The following NIPBL variants were observed in gnomAD, a reference collection of about 807,000 sequenced individuals.
NIPBL encodes nipped-B-like protein.
Under a neutral mutation model 321.8 loss-of-function variants are expected in NIPBL, and 19 were observed. The ratio of observed to expected loss-of-function variants is 0.06; its 90% CI spans 0.04 to 0.09. The LOEUF is 0.09. Ranked by LOEUF, NIPBL falls within the 10% of genes least tolerant of loss-of-function variation. The pLI is 1.00. For missense variants in NIPBL, 2,210 were observed against 3,327.0 expected (o/e 0.66, Z 8.26); for synonymous variants, 1,106 against 1,114.1 (o/e 0.99, Z 0.14).
chr5:37,021,546 T>C (rs976699121), intron 27 of NIPBL, among the ~76,000 whole-genome samples: 1 of 151,776 alleles, frequency 6.6e-6, no homozygotes, highest in African/African-American at 2.4e-5. Flanking sequence ...GCTGCCATGG[T>C]GGCATGTGCC....
intron 1 of NIPBL, among the ~76,000 whole-genome samples, chr5:36,952,051 T>TGTGTGCGC (rs748400484): frequency 9.7e-6 from 1 of 102,802 alleles, no homozygotes; most frequent in Non-Finnish European, 2.3e-5. Flanking sequence ...TGTGTGTGTG[T>TGTGTGCGC]GTGCGCGCGC....
rs545919265 is a variant in NIPBL at position 37,034,367 on chromosome 5, A to G, written c.5863-2012A>G. Among the ~76,000 whole-genome samples, 6 of 152,338 alleles carry G rather than the reference A, an allele frequency of 3.9e-5. No individual in the cohort carries two copies. In the East Asian group the frequency reaches 7.7e-4, roughly 20 times the overall value. On this transcript the variant is annotated intron_variant, in intron 32 of 46. Coordinates refer to ENST00000282516, the MANE Select transcript of NIPBL (RefSeq NM_133433.4). The stretch of plus-strand genomic sequence containing the variant: ...TGAAGTTGAACAATGCATGTATCCA[A>G]TGACCCAGCAATTCGACTTCAAATA...
intron 34 of NIPBL, among the ~76,000 whole-genome samples, chr5:37,043,754 A>G (rs1359126488): frequency 5.3e-5 from 8 of 152,328 alleles, no homozygotes; most frequent in African/African-American, 1.7e-4. Context: ...TATCTGTCAT[A>G]GAAAATTTTA....
At chr5:36,990,112 T>C (rs1417551916) in intron 10 of NIPBL, among the ~76,000 whole-genome samples, 1 of 152,182 alleles carries the variant, frequency 6.6e-6, no homozygotes, top group African/African-American at 2.4e-5. Flanking sequence ...TTTGACATCA[T>C]CCTTTAAACT....
intron 1 of NIPBL, among the ~76,000 whole-genome samples, chr5:36,902,961 T>C (rs1168616067): frequency 2.0e-5 from 3 of 152,206 alleles, no homozygotes; most frequent in Admixed American, 2.0e-4. Context: ...TGTTTTCTAA[T>C]TCTCATTGTA....
At chr5:37,002,344 C>T (rs1746911511) in intron 14 of NIPBL, among the ~76,000 whole-genome samples, 1 of 152,188 alleles carries the variant, frequency 6.6e-6, no homozygotes, top group Non-Finnish European at 1.5e-5. Flanking sequence ...AAACAAAAGC[C>T]AGAGGGCATG....
At chr5:37,000,646 T>A (rs1746683035) in intron 12 of NIPBL, 76 bp downstream of exon 12, 3 of 1,464,396 alleles carry the variant, frequency 2.0e-6, no homozygotes, top group Non-Finnish European at 2.9e-6. Flanking sequence ...GAATATTTTA[T>A]ATCTTTTTAT....
intron 32 of NIPBL, among the ~76,000 whole-genome samples, chr5:37,032,256 G>A (rs1751115403): frequency 6.6e-6 from 1 of 152,132 alleles, no homozygotes; most frequent in African/African-American, 2.4e-5. Flanking sequence ...AAAAATTTGT[G>A]CATTTTATTG....
chr5:36,877,029 C>G lies in NIPBL; in HGVS notation c.-229C>G, dbSNP rs1745111258. 2.7e-6 allele frequency: 1 copy of G among 369,266 alleles called. No homozygotes were observed. Among genetic ancestry groups the G allele is most frequent in the Admixed American group, 4.6e-5 (1 of 21,692 alleles). The allele number at this position is 369,266 out of a possible 1,614,324, so 22.9% of individuals were successfully genotyped here. ...GGAGGAAGAAGAAGCAACGATTTGT[C>G]TTCTCGGCTGGTCTCCCCCCGGCTC... On this transcript the variant is annotated 5_prime_UTR_variant, in exon 1 of 47. Transcript: ENST00000282516.
At position 37,065,153 on chromosome 5, in the gene NIPBL, C is replaced by A. The variant is rs1048883871; in HGVS notation, c.*261C>A. On this transcript the variant is annotated 3_prime_UTR_variant, in exon 47 of 47. Transcript: ENST00000282516. ...AATTGTTTATATCTTGGAAAAAAAA[C>A]TTTCTGTTTAAAAAAAATAAACAAG... 1.3e-5 allele frequency: 6 copies of A among 472,478 alleles called. No individual in the cohort carries two copies. The highest frequency in any genetic ancestry group is 7.9e-5 in the African/African-American group (4 of 50,656). The allele number at this position is 472,478 out of a possible 1,614,324, so 29.3% of individuals were successfully genotyped here.
intron 43 of NIPBL, 31 bp downstream of exon 43, chr5:37,057,363 A>G (rs1754208026): frequency 1.2e-6 from 2 of 1,603,412 alleles, no homozygotes; most frequent in Non-Finnish European, 1.7e-6. Flanking sequence ...TTCTTAATCC[A>G]TCTGTCAAAG....
Position 36,953,704 on chromosome 5 carries a change from G to A in NIPBL, c.8G>A (p.Gly3Glu). Residue 3 changes from glycine to glutamate, a missense_variant, in exon 2 of 47, where the codon GGG (glycine) becomes GAG (glutamate). Gly to Glu is a moderately conservative substitution (Grantham distance 98). This residue lies in a region of NIPBL where 28 missense variants were observed against 65.5 expected (regional missense o/e 0.43). Coordinates refer to ENST00000282516, the MANE Select transcript of NIPBL (RefSeq NM_133433.4). MNGDMPHVPITTL... is the reference protein window; with the variant it reads MNEDMPHVPITTL... ...CCATTCCAGAAATTCAGGATGAATG[G>A]GGATATGCCCCATGTCCCCATTACT... 6.2e-7 allele frequency: 1 copy of A among 1,613,738 alleles called. No homozygotes were observed. Among genetic ancestry groups the A allele is most frequent in the Non-Finnish European group, 8.5e-7 (1 of 1,179,696 alleles).
intron 30 of NIPBL, among the ~76,000 whole-genome samples, chr5:37,025,516 G>A (rs1461464166): frequency 6.6e-6 from 1 of 151,946 alleles, no homozygotes; most frequent in South Asian, 2.1e-4. Context: ...GGGAGGGAAG[G>A]GTTGTGAGGG....
At chr5:36,932,778 G>GTTTTTTTTT (rs35264312) in intron 1 of NIPBL, among the ~76,000 whole-genome samples, 4 of 69,864 alleles carry the variant, frequency 5.7e-5, no homozygotes, top group Non-Finnish European at 1.1e-4. Flanking sequence ...TTCCTCTGCT[G>GTTTTTTTTT]TTTTTTTTTT....
At position 37,036,363 on chromosome 5, in the gene NIPBL, ATATATG is replaced by A; in HGVS notation, c.5863-10_5863-5del. 2 of 575,896 alleles carry A rather than the reference ATATATG, an allele frequency of 3.5e-6. No homozygotes were observed. The highest frequency in any genetic ancestry group is 4.4e-5 in the Admixed American group (1 of 22,650). The allele number at this position is 575,896 out of a possible 1,614,324, so 35.7% of individuals were successfully genotyped here. The stretch of plus-strand genomic sequence containing the variant: ...TATATATATGTATATATATATATAT[ATATATG>A]TATATATAGTTGTTGAAGTCCGAAG... On this transcript the variant is annotated splice_polypyrimidine_tract_variant and intron_variant, in intron 32 of 46. Transcript: ENST00000282516.
chr5:36,914,829 G>A (rs1285577575), intron 1 of NIPBL, among the ~76,000 whole-genome samples: 1 of 152,106 alleles, frequency 6.6e-6, no homozygotes, highest in Non-Finnish European at 1.5e-5. Flanking sequence ...TGAGAGTTTA[G>A]TGATTTGCCC....
rs140907869 is a variant in NIPBL at position 37,038,687 on chromosome 5, C to T, written c.6057C>T (p.Leu2019=). 1.2e-4 allele frequency: 187 copies of T among 1,613,652 alleles called. No individual in the cohort carries two copies. The African/African-American group carries it at 2.3e-3, about 19-fold the overall frequency. Residue 2019 remains leucine (L), a synonymous_variant, in exon 34 of 47, where the codon CTC becomes CTT. Coordinates refer to ENST00000282516, the MANE Select transcript of NIPBL (RefSeq NM_133433.4). ...TATTCAGCAAAATAAGACCCCAGCT[C>T]ATGGTTAAACATGCAATGACTATGC... ...LFLFSKIRPQ[L]MVKHAMTMQP...
At chr5:36,948,602 G>T (rs773933467) in intron 1 of NIPBL, among the ~76,000 whole-genome samples, 2 of 151,854 alleles carry the variant, frequency 1.3e-5, no homozygotes, top group Non-Finnish European at 2.9e-5. Context: ...TAAGGGGTTT[G>T]TGCTTGGTAA....
chr5:36,993,753 A>G (rs1035578849), intron 10 of NIPBL, among the ~76,000 whole-genome samples: 5 of 151,988 alleles, frequency 3.3e-5, no homozygotes, highest in Admixed American at 1.3e-4. Context: ...AATGTTTCCA[A>G]TATACTGCAA....
Sources: allele counts gnomAD v4.1 joint callset (sites outside exome capture counted in the v4.1 genomes callset), GRCh38; gene constraint gnomAD v4.1.1; regional missense constraint gnomAD v4.1.1; transcripts MANE v1.5; gene names NCBI Gene and HGNC (gene_info 2026-07-23, HGNC 2026-07-21).